The following PCYT1B variants were observed in gnomAD, a reference collection of about 807,000 sequenced individuals.
The protein encoded by PCYT1B is phosphate cytidylyltransferase 1B, choline.
In PCYT1B, 10 loss-of-function variants were observed where a neutral mutation model predicts 26.4. That is an observed-to-expected ratio of 0.38 (90% confidence interval 0.23 to 0.64). The LOEUF is 0.64. PCYT1B is among the 30% of genes least tolerant of loss of function. PCYT1B has a pLI of 0.56. For missense variants in PCYT1B, 161 were observed against 292.7 expected (o/e 0.55, Z 3.28); for synonymous variants, 131 against 108.4 (o/e 1.21, Z -1.29).
intron 5 of PCYT1B, among the ~76,000 whole-genome samples, chrX:24,582,180 A>G (rs956353980): frequency 3.6e-5 from 4 of 112,461 alleles, no homozygotes; most frequent in African/African-American, 1.3e-4. Flanking sequence ...TGAGAAATCC[A>G]TCCCATCTTT....
chrX:24,666,848 A>G (rs940979356), intron 1 of PCYT1B, among the ~76,000 whole-genome samples: 2 of 111,349 alleles, frequency 1.8e-5, no homozygotes, highest in Non-Finnish European at 3.8e-5. Flanking sequence ...TTGAGAATAA[A>G]GGGCAAAAAT....
intron 3 of PCYT1B, among the ~76,000 whole-genome samples, chrX:24,598,482 T>TACACAC (rs1375362201): frequency 1.2e-4 from 13 of 106,549 alleles, no homozygotes; most frequent in Non-Finnish European, 1.5e-4. Context: ...TTGATATATA[T>TACACAC]ATACACACAC....
At chrX:24,657,364 T>C (rs1014437908) in intron 1 of PCYT1B, among the ~76,000 whole-genome samples, 3 of 112,275 alleles carry the variant, frequency 2.7e-5, no homozygotes, top group Non-Finnish European at 3.8e-5. Flanking sequence ...TATTTGAGCA[T>C]AATTTGGATT....
At chrX:24,602,360 AT>A (rs1393935601) in intron 3 of PCYT1B, among the ~76,000 whole-genome samples, 1 of 112,352 alleles carries the variant, frequency 8.9e-6, no homozygotes, top group Non-Finnish European at 1.9e-5. Flanking sequence ...TAGGTAGAGC[AT>A]ATAGGATTTT....
intron 1 of PCYT1B, among the ~76,000 whole-genome samples, chrX:24,658,915 A>G (rs12008763): frequency 0.05 from 5,606 of 111,960 alleles, 229 homozygotes; most frequent in African/African-American, 0.14. Flanking sequence ...CAGTCATTCA[A>G]TTGCAGACAA....
chrX:24,599,080 A>G (rs952546166), intron 3 of PCYT1B, among the ~76,000 whole-genome samples: 3 of 111,939 alleles, frequency 2.7e-5, no homozygotes, highest in Non-Finnish European at 5.6e-5. Flanking sequence ...TTTCAAGTAA[A>G]AGAATAAGGG....
At chrX:24,669,345 C>T (rs1225313772) in intron 1 of PCYT1B, among the ~76,000 whole-genome samples, 1 of 108,779 alleles carries the variant, frequency 9.2e-6, no homozygotes, top group Admixed American at 9.9e-5. Flanking sequence ...GGCGAAACCC[C>T]GTCTCTACTA....
At chrX:24,650,049 AG>A (rs764750992), upstream of PCYT1B, 3 of 112,079 alleles carry the variant, frequency 2.7e-5, no homozygotes, top group Non-Finnish European at 5.6e-5. Context: ...AGGCTCTTTC[AG>A]GCACCACTCT....
chrX:24,653,759 T>C (rs1926833240), intron 1 of PCYT1B, among the ~76,000 whole-genome samples: 1 of 110,270 alleles, frequency 9.1e-6, no homozygotes, highest in Admixed American at 9.8e-5. Context: ...AAAATTCTTT[T>C]TTTTTTTTTT....
rs749234436 is a variant in PCYT1B, at chrX:24,562,266, G to C, written c.*27C>G. Reference sequence around the variant, plus strand: ...TCTCGCCCTCCTCCCCATCCTGCATGGTGCGGCTCTTGCCTCCCAGCAGCC... The same window carrying C: ...TCTCGCCCTCCTCCCCATCCTGCATCGTGCGGCTCTTGCCTCCCAGCAGCC... On this transcript the variant is annotated 3_prime_UTR_variant, in exon 8 of 8. Transcript: ENST00000379144. 7 of 1,151,530 alleles carry C rather than the reference G, an allele frequency of 6.1e-6. No individual in the cohort carries two copies. The Admixed American group carries it at 1.8e-4, about 30-fold the overall frequency. The allele number at this position is 1,151,530 out of a possible 1,213,427, so 94.9% of individuals were successfully genotyped here.
chrX:24,606,913 C>T (rs1021544758), intron 3 of PCYT1B, among the ~76,000 whole-genome samples: 1 of 111,710 alleles, frequency 9.0e-6, no homozygotes, highest in Non-Finnish European at 1.9e-5. Context: ...CAGAAGGTAA[C>T]AAAATTCTTT....
chrX:24,631,277 C>G (rs1212151178), intron 1 of PCYT1B, among the ~76,000 whole-genome samples: 2 of 111,477 alleles, frequency 1.8e-5, no homozygotes, highest in Non-Finnish European at 3.8e-5. Context: ...TAAGGCAGAA[C>G]CCCAGCACCA....
chrX:24,567,930 C>T (rs1274413578), intron 7 of PCYT1B, among the ~76,000 whole-genome samples: 1 of 111,601 alleles, frequency 9.0e-6, no homozygotes, highest in African/African-American at 3.3e-5. Flanking sequence ...GCCTGGGCAA[C>T]AGAGCGAGAC....
Position 24,561,880 on chromosome X carries a change from G to A in PCYT1B, c.*413C>T, listed in dbSNP as rs925409145. On this transcript the variant is annotated 3_prime_UTR_variant, in exon 8 of 8. Coordinates refer to ENST00000379144, the MANE Select transcript of PCYT1B (RefSeq NM_004845.5). ...TTTATTCTGGCAGAGCTGGGGTGGT[G>A]GGAGGCAACGTGCAGGACCCTTATG... The A allele has an allele frequency of 1.7e-5, 7 of 417,280 alleles. No homozygotes were observed. Among genetic ancestry groups the A allele is most frequent in the Non-Finnish European group, 2.5e-5 (6 of 239,211 alleles). 34.4% of individuals were successfully genotyped at this position (417,280 alleles called of 1,213,427 possible). A position where few individuals can be genotyped will look rare whatever the true frequency, so the allele number is the denominator to read the frequency against.
At chrX:24,651,473 ATATATATATATATATATATAT>A (rs1349029689), upstream of PCYT1B, among the ~76,000 whole-genome samples, 2 of 28,069 alleles carry the variant, frequency 7.1e-5, no homozygotes, top group East Asian at 1.2e-3. Context: ...AAAAAAAAAA[ATATATATATATATATATATAT>A]ATATATATAT....
intron 3 of PCYT1B, among the ~76,000 whole-genome samples, chrX:24,594,984 T>A (rs1924730670): frequency 9.0e-6 from 1 of 111,699 alleles, no homozygotes; most frequent in South Asian, 3.8e-4. Flanking sequence ...GGTGAAGTTT[T>A]GAGAATTAAA....
At chrX:24,602,318 G>A (rs1045543720) in intron 3 of PCYT1B, among the ~76,000 whole-genome samples, 10 of 112,129 alleles carry the variant, frequency 8.9e-5, no homozygotes, top group African/African-American at 2.3e-4. Context: ...AAGAACAGTG[G>A]TTGTCAGGGG....
At chrX:24,577,400 T>C (rs182316479) in intron 6 of PCYT1B, among the ~76,000 whole-genome samples, 37 of 112,406 alleles carry the variant, frequency 3.3e-4, no homozygotes, top group African/African-American at 1.0e-3. Context: ...TTGACATGTT[T>C]GGATGGTTGA....
At chrX:24,591,192 A>G (rs1464932108) in intron 3 of PCYT1B, among the ~76,000 whole-genome samples, 3 of 111,399 alleles carry the variant, frequency 2.7e-5, no homozygotes, top group Non-Finnish European at 5.6e-5. Flanking sequence ...GAACTTAGAA[A>G]AAAAGTGCTT....
Sources: gnomAD v4.1 joint callset for allele counts (sites outside exome capture counted in the v4.1 genomes callset) on GRCh38, gnomAD v4.1.1 for gene constraint, MANE v1.5 for transcripts, NCBI Gene and HGNC (gene_info 2026-07-23, HGNC 2026-07-21) for gene names.